LCORL: variants seen among roughly 807,000 people sequenced by gnomAD.
LCORL encodes the protein ligand-dependent nuclear receptor corepressor-like protein.
In LCORL, 41 loss-of-function variants were observed where a neutral mutation model predicts 141.8. That is an observed-to-expected ratio of 0.29 (90% confidence interval 0.23 to 0.38). The LOEUF is 0.38. LCORL is among the 10% of genes least tolerant of loss of function. The pLI, the probability that LCORL is intolerant of heterozygous loss-of-function variation, is 1.00. For synonymous variants in LCORL, 618 were observed against 694.1 expected (o/e 0.89, Z 1.72); for missense variants, 1,759 against 2,035.0 (o/e 0.86, Z 2.61).
intron 2 of LCORL, among the ~76,000 whole-genome samples, 174 bp downstream of exon 2, chr4:17,972,646 T>A (rs1577594925): frequency 2.0e-5 from 3 of 151,642 alleles, no homozygotes; most frequent in African/African-American, 7.2e-5. Context: ...TAAAATTTTT[T>A]AAAAATATGG....
intron 5 of LCORL, among the ~76,000 whole-genome samples, chr4:17,892,038 A>G (rs1249172644): frequency 1.3e-5 from 2 of 152,176 alleles, no homozygotes; most frequent in Non-Finnish European, 2.9e-5. Flanking sequence ...TCGATTTTAA[A>G]AATTTGAAGT....
At chr4:17,906,633 CACTTA>C (rs1731664491) in intron 5 of LCORL, among the ~76,000 whole-genome samples, 1 of 151,610 alleles carries the variant, frequency 6.6e-6, no homozygotes, top group African/African-American at 2.4e-5. Context: ...TCTGTCTTGC[CACTTA>C]ACTTCATAGA....
intron 4 of LCORL, among the ~76,000 whole-genome samples, chr4:17,923,940 T>G (rs1577433918): frequency 6.6e-6 from 1 of 151,970 alleles, no homozygotes; most frequent in South Asian, 2.1e-4. Flanking sequence ...GGCTTTCCCT[T>G]CCAAGTCTAG....
intron 4 of LCORL, among the ~76,000 whole-genome samples, chr4:17,953,054 T>C (rs992272643): frequency 9.9e-5 from 15 of 152,262 alleles, no homozygotes; most frequent in African/African-American, 3.6e-4. Context: ...GTTCCATCCA[T>C]GTTGCTGCAA....
At chr4:17,987,530 CAG>C (rs1477252737) in intron 1 of LCORL, among the ~76,000 whole-genome samples, 4 of 152,046 alleles carry the variant, frequency 2.6e-5, no homozygotes, top group African/African-American at 9.7e-5. Flanking sequence ...TTACATGAAA[CAG>C]ATTTTCATTT....
intron 7 of LCORL, among the ~76,000 whole-genome samples, chr4:17,854,092 C>T (rs565068312): frequency 2.0e-5 from 3 of 152,112 alleles, no homozygotes; most frequent in African/African-American, 4.8e-5. Flanking sequence ...TATTTGATAA[C>T]GGTCTTTAGG....
intron 5 of LCORL, among the ~76,000 whole-genome samples, chr4:17,908,836 G>A (rs1007732935): frequency 1.3e-5 from 2 of 151,866 alleles, no homozygotes; most frequent in African/African-American, 4.8e-5. Context: ...TTGTTTATAT[G>A]CTTTATTTTT....
At chr4:17,877,854 T>C in exon 7 of LCORL, 1 of 1,230,728 alleles carries the variant, frequency 8.1e-7, no homozygotes, top group Non-Finnish European at 1.0e-6. Flanking sequence ...CTTAACGTGT[T>C]CAACAGTTAC....
At chr4:18,004,421 C>CAAA (rs932656152) in intron 1 of LCORL, among the ~76,000 whole-genome samples, 4 of 152,112 alleles carry the variant, frequency 2.6e-5, no homozygotes, top group African/African-American at 4.8e-5. Flanking sequence ...AGGTGGCAGA[C>CAAA]AAGAGAAAAG....
chr4:17,998,840 C>T (rs930694288), intron 1 of LCORL, among the ~76,000 whole-genome samples: 2 of 150,064 alleles, frequency 1.3e-5, no homozygotes, highest in South Asian at 2.1e-4. Flanking sequence ...TTGTGCACAT[C>T]GGGAAACTTA....
exon 7 of LCORL, chr4:17,876,686 A>G (rs1726959135): frequency 8.1e-7 from 1 of 1,230,658 alleles, no homozygotes; most frequent in African/African-American, 1.6e-5. Flanking sequence ...TTCTGCTCAA[A>G]AGTCCAGAAA....
At chr4:17,937,469 A>AG (rs1737054625) in intron 4 of LCORL, among the ~76,000 whole-genome samples, 1 of 152,350 alleles carries the variant, frequency 6.6e-6, no homozygotes. Context: ...ATAGAATATA[A>AG]GAATAGCAAT....
chr4:17,984,901 A>G (rs1240131528), intron 1 of LCORL, among the ~76,000 whole-genome samples: 2 of 152,024 alleles, frequency 1.3e-5, no homozygotes, highest in South Asian at 4.1e-4. Flanking sequence ...TAGTGCTACA[A>G]ATTTCTCTCT....
At position 17,852,837 on chromosome 4, in the gene LCORL, T is replaced by G. The variant is rs1486916512; in HGVS notation, c.5603-6936A>C. Reference sequence around the variant, plus strand: ...TTAAATTAATGATTATTGATAAGTCTAATCTTCACAAAAGTAAAATTGTAT... The same window carrying G: ...TTAAATTAATGATTATTGATAAGTCGAATCTTCACAAAAGTAAAATTGTAT... On this transcript the variant is annotated intron_variant, in intron 7 of 7. Coordinates refer to ENST00000635767, the Ensembl canonical transcript of LCORL. Among the ~76,000 whole-genome samples the G allele has an allele frequency of 2.0e-5, 3 of 152,280 alleles. No individual in the cohort carries two copies. In the East Asian group the frequency reaches 5.8e-4, roughly 29 times the overall value.
intron 4 of LCORL, among the ~76,000 whole-genome samples, chr4:17,918,672 C>G (rs981501048): frequency 2.6e-5 from 4 of 152,046 alleles, no homozygotes; most frequent in Non-Finnish European, 5.9e-5. Flanking sequence ...GACAAAGATG[C>G]AGAGGGTAGG....
At chr4:17,946,086 A>G (rs1261487896) in intron 4 of LCORL, among the ~76,000 whole-genome samples, 1 of 151,994 alleles carries the variant, frequency 6.6e-6, no homozygotes, top group African/African-American at 2.4e-5. Context: ...TGTGGCAGGA[A>G]AACTGCATAT....
At chr4:18,009,068 G>A (rs1402705124) in intron 1 of LCORL, among the ~76,000 whole-genome samples, 1 of 151,906 alleles carries the variant, frequency 6.6e-6, no homozygotes, top group East Asian at 1.9e-4. Context: ...TACTGCCACT[G>A]CTCCTAAGCC....
At chr4:17,926,531 G>T (rs1481152668) in intron 4 of LCORL, among the ~76,000 whole-genome samples, 1 of 152,312 alleles carries the variant, frequency 6.6e-6, no homozygotes, top group East Asian at 1.9e-4. Flanking sequence ...CAGACTGAAC[G>T]CAGCACTGGT....
chr4:18,006,843 T>A (rs1722896911), intron 1 of LCORL, among the ~76,000 whole-genome samples: 1 of 152,072 alleles, frequency 6.6e-6, no homozygotes, highest in South Asian at 2.1e-4. Context: ...CCAAACCATA[T>A]CACATATATT....
Sources: gnomAD v4.1 joint callset for allele counts (sites outside exome capture counted in the v4.1 genomes callset) on GRCh38, gnomAD v4.1.1 for gene constraint, MANE v1.5 for transcripts, NCBI Gene and HGNC (gene_info 2026-07-23, HGNC 2026-07-21) for gene names.